SCN3A: variants seen among roughly 807,000 people sequenced by gnomAD.
The protein encoded by SCN3A is sodium voltage-gated channel alpha subunit 3.
In SCN3A, 60 loss-of-function variants were observed where a neutral mutation model predicts 187.6. The ratio of observed to expected loss-of-function variants is 0.32; its 90% CI spans 0.26 to 0.40. SCN3A has a LOEUF of 0.40. Ranked by LOEUF, SCN3A falls within the 10% of genes least tolerant of loss-of-function variation. The pLI, the probability that SCN3A is intolerant of heterozygous loss-of-function variation, is 1.00. For synonymous variants in SCN3A, 788 were observed against 829.2 expected (o/e 0.95, Z 0.85); for missense variants, 1,601 against 2,428.2 (o/e 0.66, Z 7.16).
chr2:165,170,351 T>A, intron 4 of SCN3A, 79 bp downstream of exon 4: 1 of 860,882 alleles, frequency 1.2e-6, no homozygotes. Flanking sequence ...ATTTTACAGA[T>A]ACTTGAAAAT....
At chr2:165,172,533 C>T (rs961894048) in intron 3 of SCN3A, among the ~76,000 whole-genome samples, 10 of 152,124 alleles carry the variant, frequency 6.6e-5, no homozygotes, top group Admixed American at 2.6e-4. Flanking sequence ...TCCATTTAGG[C>T]ATTCAGCAAC....
chr2:165,161,129 C>CTTT (rs1689346128), intron 9 of SCN3A, among the ~76,000 whole-genome samples: 1 of 94,010 alleles, frequency 1.1e-5, no homozygotes, highest in African/African-American at 3.8e-5. Context: ...TCTTTTTTTT[C>CTTT]TTTCTTTCTT....
chr2:165,151,355 T>C (rs1013198780), intron 11 of SCN3A, among the ~76,000 whole-genome samples: 2 of 152,214 alleles, frequency 1.3e-5, no homozygotes, highest in Non-Finnish European at 2.9e-5. Flanking sequence ...TTCAAATATG[T>C]GGAGCCATTC....
At chr2:165,184,642 T>C (rs1239787464) in intron 2 of SCN3A, among the ~76,000 whole-genome samples, 1 of 152,122 alleles carries the variant, frequency 6.6e-6, no homozygotes, top group African/African-American at 2.4e-5. Context: ...AGTGGTATAA[T>C]CTAAGAAATG....
chr2:165,200,912 T>G (rs564708748), intron 1 of SCN3A, among the ~76,000 whole-genome samples: 70 of 152,110 alleles, frequency 4.6e-4, no homozygotes, highest in Non-Finnish European at 9.0e-4. Flanking sequence ...TTTCCACATC[T>G]TATTGTACCG....
At chr2:165,101,963 C>T (rs998506500) in intron 21 of SCN3A, among the ~76,000 whole-genome samples, 2 of 152,192 alleles carry the variant, frequency 1.3e-5, no homozygotes, top group African/African-American at 4.8e-5. Flanking sequence ...ATTGATTGAG[C>T]TATTCATTTC....
rs766258051 is a variant in SCN3A at position 165,130,115 on chromosome 2, T to C, written c.2747A>G (p.Asn916Ser). 8 of 1,614,192 alleles carry C rather than the reference T, an allele frequency of 5.0e-6. No homozygotes were observed. The highest frequency in any genetic ancestry group is 4.4e-5 in the South Asian group (4 of 91,086). The stretch of plus-strand genomic sequence containing the variant: ...CCACCGTGGGAGCGTACAGTCATCA[T>C]TGATCTTGCAGACACATTCTTTGTA... ...KSYKECVCKI[N>S]DDCTLPRWHM... Residue 916 changes from asparagine to serine, a missense_variant, in exon 17 of 28, where the codon AAT becomes AGT. Around this residue, in one of 11 missense-constraint regions of SCN3A, gnomAD observed 91 missense variants for 207.0 expected, o/e 0.44. Transcript: ENST00000283254.
chr2:165,193,636 A>C (rs1691750278), intron 1 of SCN3A, among the ~76,000 whole-genome samples: 1 of 152,088 alleles, frequency 6.6e-6, no homozygotes, highest in Admixed American at 6.6e-5. Context: ...ACTGTAATCA[A>C]AATGACAGCC....
intron 11 of SCN3A, among the ~76,000 whole-genome samples, chr2:165,151,762 C>T (rs949661699): frequency 6.6e-6 from 1 of 152,140 alleles, no homozygotes; most frequent in Non-Finnish European, 1.5e-5. Context: ...GGGATCTTCT[C>T]AGGTTCCCCT....
chr2:165,090,227 G>GT lies in SCN3A; in HGVS notation c.5925dup (p.Pro1976ThrfsTer7). The GT allele has an allele frequency of 1.9e-6, 3 of 1,609,038 alleles. No individual in the cohort carries two copies. Among genetic ancestry groups the GT allele is most frequent in the Non-Finnish European group, 2.5e-6 (3 of 1,176,828 alleles). ...TCTTTCTCAAACTTTTCCTTGTCTGGTTTTGTTACACTATCATAGGAAGGA... is the reference window on the plus strand; with the variant it reads ...TCTTTCTCAAACTTTTCCTTGTCTGGTTTTTGTTACACTATCATAGGAAGGA... On this transcript the variant is annotated frameshift_variant, in exon 28 of 28. Coordinates refer to ENST00000283254, the MANE Select transcript of SCN3A (RefSeq NM_006922.4). LOFTEE classifies it high-confidence loss of function. The surrounding 1 kb of genome is among the most constrained non-coding windows in gnomAD (Gnocchi z 4.0).
rs542130369 is a variant in SCN3A at position 165,105,527 on chromosome 2, G to A, written c.3844-5103C>T. On this transcript the variant is annotated intron_variant, in intron 21 of 27. Coordinates refer to ENST00000283254, the MANE Select transcript of SCN3A (RefSeq NM_006922.4). ...TAGAAAAGGGCTCAGGTAGTGGTGA[G>A]GGGCAGGTACAAAGCTGCCATGGGA... 1.4e-3 allele frequency among the ~76,000 whole-genome samples: 213 copies of A among 152,300 alleles called. 1 individual carries two copies. Among genetic ancestry groups the A allele is most frequent in the African/African-American group, 4.9e-3 (203 of 41,568 alleles).
chr2:165,144,810 T>C (rs1307448746), intron 12 of SCN3A, among the ~76,000 whole-genome samples: 1 of 152,176 alleles, frequency 6.6e-6, no homozygotes, highest in East Asian at 1.9e-4. Flanking sequence ...ATTGAGTCTC[T>C]TTTATTCTTT....
chr2:165,175,706 A>G (rs907898991), intron 3 of SCN3A, among the ~76,000 whole-genome samples: 2 of 152,162 alleles, frequency 1.3e-5, no homozygotes, highest in Non-Finnish European at 2.9e-5. Flanking sequence ...ATTGTCCTCT[A>G]GAATATAAAT....
intron 1 of SCN3A, among the ~76,000 whole-genome samples, chr2:165,200,491 A>G (rs994975978): frequency 5.9e-5 from 9 of 152,096 alleles, no homozygotes; most frequent in African/African-American, 2.2e-4. Context: ...GTTATCATCA[A>G]CCCTAAAGAT....
chr2:165,110,186 G>A (rs907788933), intron 21 of SCN3A, among the ~76,000 whole-genome samples: 3 of 152,176 alleles, frequency 2.0e-5, no homozygotes, highest in Middle Eastern at 3.4e-3. Context: ...TTGTTTACAC[G>A]TTTCCTGTCT....
At chr2:165,119,106 A>G (rs1295187937) in intron 18 of SCN3A, among the ~76,000 whole-genome samples, 7 of 151,984 alleles carry the variant, frequency 4.6e-5, no homozygotes, top group Non-Finnish European at 7.4e-5. Flanking sequence ...GGGTTTTGCC[A>G]TATTGCCCAG....
chr2:165,186,037 C>A, intron 2 of SCN3A, among the ~76,000 whole-genome samples: 1 of 151,952 alleles, frequency 6.6e-6, no homozygotes, highest in East Asian at 1.9e-4. Flanking sequence ...TTTGGGAGGC[C>A]GAGGCAGGCA....
intron 2 of SCN3A, among the ~76,000 whole-genome samples, chr2:165,181,150 T>C (rs1181869445): frequency 1.3e-5 from 2 of 152,206 alleles, no homozygotes; most frequent in Non-Finnish European, 2.9e-5. Context: ...TTTTCATAAA[T>C]GCTTCTGTGT....
At chr2:165,154,340 G>A (rs1472299494) in intron 11 of SCN3A, 112 bp downstream of exon 11, 2 of 1,140,286 alleles carry the variant, frequency 1.8e-6, no homozygotes, top group Non-Finnish European at 2.5e-6. Flanking sequence ...TAATGACAAT[G>A]CCTATATATA....
Sources: allele counts gnomAD v4.1 joint callset (sites outside exome capture counted in the v4.1 genomes callset), GRCh38; gene constraint gnomAD v4.1.1; regional missense constraint gnomAD v4.1.1; non-coding constraint Gnocchi (gnomAD v3.1); transcripts MANE v1.5; gene names NCBI Gene and HGNC (gene_info 2026-07-23, HGNC 2026-07-21).